NUP210: variants seen among roughly 807,000 people sequenced by gnomAD.
NUP210 encodes the protein nucleoporin 210.
Under a neutral mutation model 196.0 loss-of-function variants are expected in NUP210, and 151 were observed. The observed-to-expected ratio is 0.77, with a 90% confidence interval of 0.67 to 0.88. NUP210 has a LOEUF of 0.88. NUP210 is among the 40% of genes least tolerant of loss of function. NUP210 has a pLI of 0.00. For missense variants in NUP210, 2,314 were observed against 2,493.7 expected (o/e 0.93, Z 1.53); for synonymous variants, 1,070 against 1,052.7 (o/e 1.02, Z -0.32).
Position 13,386,417 on chromosome 3 carries a change from A to G in NUP210, c.685-10T>C. 2 of 1,613,922 alleles carry G rather than the reference A, an allele frequency of 1.2e-6. No individual in the cohort carries two copies. Among genetic ancestry groups the G allele is most frequent in the South Asian group, 1.1e-5 (1 of 91,014 alleles). On this transcript the variant is annotated splice_polypyrimidine_tract_variant and intron_variant, in intron 5 of 39. Transcript: ENST00000254508. ...CTGCAGGGCGTACATTCTTGGCATA[A>G]AGAAAAGGCAGACAAAGTGAGGTGC...
At chr3:13,358,871 C>G (rs1698276964) in intron 15 of NUP210, among the ~76,000 whole-genome samples, 1 of 152,226 alleles carries the variant, frequency 6.6e-6, no homozygotes, top group African/African-American at 2.4e-5. Flanking sequence ...GAGCTGCAGC[C>G]TGGAGGCAGG....
intron 1 of NUP210, among the ~76,000 whole-genome samples, chr3:13,418,654 G>C (rs1287653482): frequency 6.6e-6 from 1 of 152,070 alleles, no homozygotes; most frequent in East Asian, 1.9e-4. Flanking sequence ...TGGGTGTTGT[G>C]GCGGGCGCCT....
Position 13,317,650 on chromosome 3 carries a change from G to C in NUP210, c.*31C>G. 6.7e-7 allele frequency: 1 copy of C among 1,495,096 alleles called. No homozygotes were observed. The highest frequency in any genetic ancestry group is 1.2e-5 in the South Asian group (1 of 84,610). 92.6% of individuals were successfully genotyped at this position (1,495,096 alleles called of 1,614,324 possible). On this transcript the variant is annotated 3_prime_UTR_variant, in exon 40 of 40. Transcript: ENST00000254508. ...TCTTGGGGGTGCACGAGGCTCGGCTGAGACCCATCCTCCGGGAACCTTCAC... is the reference window on the plus strand; with the variant it reads ...TCTTGGGGGTGCACGAGGCTCGGCTCAGACCCATCCTCCGGGAACCTTCAC...
At chr3:13,360,150 G>C in intron 15 of NUP210, 120 bp downstream of exon 15, 1 of 824,702 alleles carries the variant, frequency 1.2e-6, no homozygotes, top group Non-Finnish European at 1.9e-6. Context: ...CTGTAAAATG[G>C]GTACAATAGG....
intron 35 of NUP210, 22 bp from the exon 36 acceptor site, chr3:13,321,857 G>T: frequency 6.3e-7 from 1 of 1,596,560 alleles, no homozygotes; most frequent in Non-Finnish European, 8.5e-7. Flanking sequence ...AGGGTGTATT[G>T]TCTTGTCCCC....
chr3:13,347,307 T>A lies in NUP210; in HGVS notation c.2836-4004A>T, dbSNP rs1697778833. The A allele has an allele frequency of 1.0e-6, 1 of 985,282 alleles. No individual in the cohort carries two copies. The highest frequency in any genetic ancestry group is 4.7e-5 in the South Asian group (1 of 21,284). 61.0% of individuals were successfully genotyped at this position (985,282 alleles called of 1,614,324 possible). On this transcript the variant is annotated intron_variant, in intron 20 of 39. Coordinates refer to ENST00000254508, the MANE Select transcript of NUP210 (RefSeq NM_024923.4). This position sits in a 1 kb window ranked among gnomAD's most constrained non-coding sequence, Gnocchi z 4.7. Reference sequence around the variant, plus strand: ...TCTGAGTGCACGAGTTAATGGGAAATGTAAAGTGCCCAGCAGGCTCCTTCC... The same window carrying A: ...TCTGAGTGCACGAGTTAATGGGAAAAGTAAAGTGCCCAGCAGGCTCCTTCC...
intron 20 of NUP210, among the ~76,000 whole-genome samples, chr3:13,344,029 AC>A (rs1697626030): frequency 6.6e-6 from 1 of 152,058 alleles, no homozygotes; most frequent in African/African-American, 2.4e-5. Flanking sequence ...ACTGCCAGAG[AC>A]CCTTTTAACA....
At chr3:13,391,134 C>G in intron 4 of NUP210, 77 bp downstream of exon 4, 4 of 997,348 alleles carry the variant, frequency 4.0e-6, no homozygotes, top group Non-Finnish European at 6.2e-6. Context: ...GAAAGCCCCC[C>G]GCTGGTGAGG....
At position 13,365,954 on chromosome 3, in the gene NUP210, G is replaced by A. The variant is rs1559330475; in HGVS notation, c.1924C>T (p.Pro642Ser). 6.2e-7 allele frequency: 1 copy of A among 1,614,094 alleles called. No individual in the cohort carries two copies. The highest frequency in any genetic ancestry group is 8.5e-7 in the Non-Finnish European group (1 of 1,179,920). ...CAGGGCCCCTGGCTCACCTTGAGGG[G>A]CAGGTAGGCAGCAATGGTGATCTTG... ...SAKITIAAYL[P>S]LKAVDPSSVA... Residue 642 changes from proline (P) to serine (S), a missense_variant, in exon 14 of 40, where the codon CCC becomes TCC. Pro to Ser is a moderately conservative substitution (Grantham distance 74). Coordinates refer to ENST00000254508, the MANE Select transcript of NUP210 (RefSeq NM_024923.4).
At chr3:13,413,786 T>C (rs1700255013) in intron 1 of NUP210, among the ~76,000 whole-genome samples, 1 of 152,168 alleles carries the variant, frequency 6.6e-6, no homozygotes, top group African/African-American at 2.4e-5. Flanking sequence ...TGCACAACAA[T>C]TGTGAACGTA....
At chr3:13,320,074 C>A in intron 36 of NUP210, 95 bp from the exon 37 acceptor site, 1 of 1,111,600 alleles carries the variant, frequency 9.0e-7, no homozygotes, top group Non-Finnish European at 1.3e-6. Context: ...GGCTGCTCTG[C>A]ATGGCCATCT....
chr3:13,333,021 A>G (rs1047284490), intron 28 of NUP210, among the ~76,000 whole-genome samples: 3 of 151,400 alleles, frequency 2.0e-5, no homozygotes, highest in Non-Finnish European at 2.9e-5. Flanking sequence ...TCTCAGAACA[A>G]CCCCCGTTCC....
intron 15 of NUP210, among the ~76,000 whole-genome samples, chr3:13,359,372 G>A (rs1267909990): frequency 3.9e-5 from 6 of 152,102 alleles, no homozygotes. Flanking sequence ...TGCTGTTATT[G>A]TTCTTGTTGT....
At chr3:13,358,140 G>T in intron 16 of NUP210, 82 bp downstream of exon 16, 1 of 1,313,036 alleles carries the variant, frequency 7.6e-7, no homozygotes, top group South Asian at 1.3e-5. Context: ...TGCAATGCTC[G>T]GGACCATGGG....
At chr3:13,416,405 C>G (rs1291437456) in intron 1 of NUP210, among the ~76,000 whole-genome samples, 1 of 152,138 alleles carries the variant, frequency 6.6e-6, no homozygotes, top group Non-Finnish European at 1.5e-5. Flanking sequence ...CCCGGGAGGT[C>G]GCACAACATC....
Position 13,328,926 on chromosome 3 carries a change from C to T in NUP210, c.4131G>A (p.Leu1377=). The T allele has an allele frequency of 1.9e-6, 3 of 1,614,016 alleles. No individual in the cohort carries two copies. Among genetic ancestry groups the T allele is most frequent in the Non-Finnish European group, 2.5e-6 (3 of 1,179,950 alleles). The change falls in exon 31 of 40, where the codon CTG becomes CTA. Residue 1377 remains leucine (L), a synonymous_variant. Transcript: ENST00000254508. ...VAVKVSPVSY[L]RVSMSPVLHT... is the part of the protein sequence containing the mutation. ...GCAGGACAGGGCTCATGGAAACCCT[C>T]AGGTAGGAAACAGGGGATACCTAAG...
intron 1 of NUP210, among the ~76,000 whole-genome samples, chr3:13,402,606 C>T (rs1699875802): frequency 6.6e-6 from 1 of 152,140 alleles, no homozygotes; most frequent in Admixed American, 6.5e-5. Context: ...AGTGACCACA[C>T]CTTTCATGTC....
chr3:13,389,276 G>T (rs1699400188), intron 4 of NUP210, among the ~76,000 whole-genome samples: 1 of 152,218 alleles, frequency 6.6e-6, no homozygotes, highest in Non-Finnish European at 1.5e-5. Flanking sequence ...TAGCTGCCTG[G>T]AAGCTCAAGG....
intron 8 of NUP210, among the ~76,000 whole-genome samples, chr3:13,377,916 C>CACACCACCCACCTGCAGGCCCT (rs1385640004): frequency 7.5e-4 from 113 of 151,350 alleles, no homozygotes; most frequent in Non-Finnish European, 1.4e-3. Flanking sequence ...CTGCAGGCCC[C>CACACCACCCACCTGCAGGCCCT]ACACCACCCA....
Sources: gnomAD v4.1 joint callset for allele counts (sites outside exome capture counted in the v4.1 genomes callset) on GRCh38, gnomAD v4.1.1 for gene constraint, Gnocchi (gnomAD v3.1) non-coding constraint, MANE v1.5 for transcripts, NCBI Gene and HGNC (gene_info 2026-07-23, HGNC 2026-07-21) for gene names.